TMED3: variants seen among roughly 807,000 people sequenced by gnomAD.
TMED3 encodes the protein transmembrane p24 trafficking protein 3, also known as transmembrane emp24 domain-containing protein 3.
TMED3 carries 9 observed loss-of-function variants against 15.0 expected under a neutral mutation model. That is an observed-to-expected ratio of 0.60 (90% CI 0.36 to 1.04). The LOEUF (loss-of-function observed/expected upper bound fraction) is 1.04. TMED3 is among the 50% of genes least tolerant of loss of function. TMED3 has a pLI of 0.01. For synonymous variants in TMED3, 117 were observed against 121.4 expected (o/e 0.96, Z 0.24); for missense variants, 267 against 278.9 (o/e 0.96, Z 0.30).
intron 1 of TMED3, 82 bp from the exon 2 acceptor site, chr15:79,313,675 A>C: frequency 2.7e-6 from 4 of 1,498,800 alleles, no homozygotes; most frequent in Non-Finnish European, 3.6e-6. Flanking sequence ...AAATGTTTGT[A>C]GAGTCTGATC....
exon 3 of TMED3, chr15:79,413,776 A>T (rs754912327): frequency 2.6e-5 from 4 of 152,212 alleles, no homozygotes; most frequent in Non-Finnish European, 5.9e-5. Flanking sequence ...AGGGGTAAGG[A>T]TGCCTTCATA....
chr15:79,315,056 C>T (rs2058734973), intron 2 of TMED3, among the ~76,000 whole-genome samples: 1 of 152,174 alleles, frequency 6.6e-6, no homozygotes, highest in East Asian at 1.9e-4. Context: ...ACCAAAGCCA[C>T]AGCGTCTTGA....
At chr15:79,400,459 G>A (rs557537876) in intron 2 of TMED3, among the ~76,000 whole-genome samples, 37 of 152,220 alleles carry the variant, frequency 2.4e-4, no homozygotes, top group African/African-American at 8.2e-4. Flanking sequence ...CCAATGCCTC[G>A]AACATTGACG....
intron 2 of TMED3, among the ~76,000 whole-genome samples, chr15:79,350,904 A>G (rs540098833): frequency 2.6e-5 from 4 of 152,282 alleles, no homozygotes; most frequent in Middle Eastern, 3.4e-3. Flanking sequence ...CTCACCAGAA[A>G]AGCAGAAGCT....
downstream of TMED3, among the ~76,000 whole-genome samples, chr15:79,325,509 T>C: frequency 6.6e-6 from 1 of 152,148 alleles, no homozygotes; most frequent in Non-Finnish European, 1.5e-5. Flanking sequence ...TTATATAAAA[T>C]GAACACGTGT....
intron 2 of TMED3, among the ~76,000 whole-genome samples, chr15:79,394,159 C>G (rs570473288): frequency 1.3e-5 from 2 of 152,162 alleles, no homozygotes; most frequent in Non-Finnish European, 2.9e-5. Context: ...GGTGGGTGGA[C>G]TAGTGCACAT....
At chr15:79,375,213 G>C (rs562396867) in intron 2 of TMED3, among the ~76,000 whole-genome samples, 9 of 152,240 alleles carry the variant, frequency 5.9e-5, no homozygotes, top group African/African-American at 2.2e-4. Context: ...GCCTTGACCA[G>C]GAAGGAGGAG....
chr15:79,349,373 T>TATC (rs2058883103), intron 2 of TMED3, among the ~76,000 whole-genome samples: 1 of 152,196 alleles, frequency 6.6e-6, no homozygotes, highest in Non-Finnish European at 1.5e-5. Context: ...GATACTTTTT[T>TATC]ATCATCTCTG....
intron 1 of TMED3, among the ~76,000 whole-genome samples, chr15:79,313,262 A>G (rs6495390): frequency 0.99 from 150,102 of 152,082 alleles, 74,108 homozygotes; most frequent in East Asian, 1. Context: ...ATCCCTCCTC[A>G]TCTTGCTCTT....
Position 79,404,885 on chromosome 15 carries a change from T to C in TMED3, c.418-6515T>C, listed in dbSNP as rs561958123. On this transcript the variant is annotated intron_variant, in intron 2 of 2. Coordinates refer to the TMED3 transcript ENST00000424155. The stretch of plus-strand genomic sequence containing the variant: ...GCATCAACATAAGTGAGCCCATCCA[T>C]CTATGAAGTAAGCCTCAGTTTTTCC... Among the ~76,000 whole-genome samples the C allele has an allele frequency of 3.1e-4, 47 of 152,300 alleles. 1 individual carries two copies. The highest frequency in any genetic ancestry group is 1.1e-3 in the African/African-American group (46 of 41,556).
At chr15:79,383,279 G>T in intron 2 of TMED3, 1 of 513,900 alleles carries the variant, frequency 1.9e-6, no homozygotes, top group Non-Finnish European at 3.5e-6. Context: ...AATGTCTTAA[G>T]GCTGTTGAAG....
chr15:79,311,277 T>C lies in TMED3; in HGVS notation c.28T>C (p.Ser10Pro). 1 of 1,605,388 alleles carries C rather than the reference T, an allele frequency of 6.2e-7. No homozygotes were observed. Among genetic ancestry groups the C allele is most frequent in the South Asian group, 1.1e-5 (1 of 89,966 alleles). ...GGGCAGCACTGTCCCGCGCTCCGCC[T>C]CCGTGCTGCTTCTGCTGCTGCTCCT... MGSTVPRSA[S>P]VLLLLLLLRR... Residue 10 changes from serine (S) to proline (P), a missense_variant, in exon 1 of 3, where the codon TCC becomes CCC. Ser to Pro is a moderately conservative substitution (Grantham distance 74). This residue lies in a region of TMED3 where 59 missense variants were observed against 47.0 expected (regional missense o/e 1.26). Transcript: ENST00000299705.
intron 2 of TMED3, among the ~76,000 whole-genome samples, chr15:79,380,428 ATATATATAGT>A (rs1033634339): frequency 2.9e-4 from 43 of 145,956 alleles, no homozygotes; most frequent in Middle Eastern, 3.6e-3. Flanking sequence ...ATATATAGTT[ATATATATAGT>A]TATATATAGT....
chr15:79,353,047 TATA>T (rs1417944016), intron 2 of TMED3, among the ~76,000 whole-genome samples: 10 of 94,718 alleles, frequency 1.1e-4, no homozygotes, highest in African/African-American at 3.4e-4. Flanking sequence ...ATATTATATA[TATA>T]AAAAATGTAT....
chr15:79,355,285 C>T (rs1359664160), intron 2 of TMED3, among the ~76,000 whole-genome samples: 1 of 152,142 alleles, frequency 6.6e-6, no homozygotes, highest in Admixed American at 6.5e-5. Flanking sequence ...CTTGTATGAT[C>T]ACAGCTGCCA....
intron 1 of TMED3, among the ~76,000 whole-genome samples, chr15:79,311,967 G>A (rs1391984616): frequency 6.6e-6 from 1 of 152,270 alleles, no homozygotes; most frequent in South Asian, 2.1e-4. Flanking sequence ...TGTTTACAAG[G>A]AGCGGTGTGG....
At chr15:79,396,403 G>T (rs777705254) in intron 2 of TMED3, among the ~76,000 whole-genome samples, 1 of 152,176 alleles carries the variant, frequency 6.6e-6, no homozygotes, top group Admixed American at 6.5e-5. Flanking sequence ...ATGGCTGGGG[G>T]CTAGAATCTT....
At chr15:79,378,419 C>G (rs769797315) in intron 2 of TMED3, among the ~76,000 whole-genome samples, 1 of 152,194 alleles carries the variant, frequency 6.6e-6, no homozygotes, top group Non-Finnish European at 1.5e-5. Context: ...AGACTCAAGC[C>G]TCTTTTGATT....
At chr15:79,351,621 T>TCA (rs2058891270) in intron 2 of TMED3, among the ~76,000 whole-genome samples, 1 of 152,170 alleles carries the variant, frequency 6.6e-6, no homozygotes, top group Non-Finnish European at 1.5e-5. Flanking sequence ...TTTACACTAT[T>TCA]GGTGGAAACG....
Sources: allele counts gnomAD v4.1 joint callset (sites outside exome capture counted in the v4.1 genomes callset), GRCh38; gene constraint gnomAD v4.1.1; regional missense constraint gnomAD v4.1.1; transcripts MANE v1.5; gene names NCBI Gene and HGNC (gene_info 2026-07-23, HGNC 2026-07-21).